GTF2IRD1: variants seen among roughly 807,000 people sequenced by gnomAD.
GTF2IRD1 encodes the protein GTF2I repeat domain containing 1, also known as general transcription factor II-I repeat domain-containing protein 1.
GTF2IRD1 carries 26 observed loss-of-function variants against 113.2 expected under a neutral mutation model. That is an observed-to-expected ratio of 0.23 (90% CI 0.17 to 0.32). The LOEUF is 0.32. GTF2IRD1 is among the 10% of genes least tolerant of loss of function. The pLI is 1.00. For missense variants in GTF2IRD1, 864 were observed against 1,280.8 expected, an observed-to-expected ratio of 0.67 and a Z score of 4.97; for synonymous variants, 484 against 529.1, an observed-to-expected ratio of 0.91 and a Z score of 1.17.
At chr7:74,498,014 T>A (rs985459580) in intron 1 of GTF2IRD1, among the ~76,000 whole-genome samples, 2 of 148,290 alleles carry the variant, frequency 1.3e-5, no homozygotes, top group Non-Finnish European at 3.0e-5. Context: ...TTCTTGTGTT[T>A]TTTATAGTAG....
chr7:74,528,932 C>CGGGTGGAT (rs1172073969), intron 8 of GTF2IRD1, among the ~76,000 whole-genome samples: 2 of 81,802 alleles, frequency 2.4e-5, no homozygotes, highest in Non-Finnish European at 4.8e-5. Flanking sequence ...GACGGACAAC[C>CGGGTGGAT]GGGTGGATGG....
intron 1 of GTF2IRD1, among the ~76,000 whole-genome samples, chr7:74,499,265 C>T (rs1795888156): frequency 6.6e-6 from 1 of 152,224 alleles, no homozygotes. Context: ...CAGCTCACTG[C>T]CTTGGACTAG....
chr7:74,490,649 C>A (rs918102928), intron 1 of GTF2IRD1, among the ~76,000 whole-genome samples: 1 of 150,062 alleles, frequency 6.7e-6, no homozygotes, highest in Admixed American at 6.7e-5. Context: ...GTGCGGGGGC[C>A]GTGTTTGGGT....
chr7:74,483,085 G>A (rs1794833196), intron 1 of GTF2IRD1, among the ~76,000 whole-genome samples: 1 of 152,232 alleles, frequency 6.6e-6, no homozygotes, highest in Non-Finnish European at 1.5e-5. Context: ...GGTTGGGTGT[G>A]CAGAGATCTG....
intron 25 of GTF2IRD1, 51 bp from the exon 26 acceptor site, chr7:74,600,993 G>A: frequency 6.2e-7 from 1 of 1,606,488 alleles, no homozygotes. Context: ...AGGAGGCTGA[G>A]ACAGAAAAGC....
In GTF2IRD1 at chr7:74,518,300, C is replaced by G. The variant is rs781856999; in HGVS notation, c.583C>G (p.Arg195Gly). The stretch of plus-strand genomic sequence containing the variant: ...CATGGCCATCCTGGAACACAGCCAC[C>G]GCATCCGCTTCAAGCTCAAGAGGTG... The part of the protein sequence containing the change: ...ALMAILEHSH[R>G]IRFKLKRPLE... The change falls in exon 5 of 27, where the codon CGC (arginine) becomes GGC (glycine). Residue 195 changes from arginine (R) to glycine (G), a missense_variant. Coordinates refer to ENST00000424337, the MANE Select transcript of GTF2IRD1 (RefSeq NM_005685.4). 6.2e-6 allele frequency: 10 copies of G among 1,600,782 alleles called. No individual in the cohort carries two copies. The highest frequency in any genetic ancestry group is 8.5e-6 in the Non-Finnish European group (10 of 1,170,914).
intron 22 of GTF2IRD1, among the ~76,000 whole-genome samples, chr7:74,568,465 A>G (rs1444988596): frequency 5.9e-5 from 9 of 152,086 alleles, no homozygotes; most frequent in East Asian, 1.9e-4. Context: ...TGGCTAACAC[A>G]GTGAAACCCC....
chr7:74,592,240 C>T (rs1210124934), intron 24 of GTF2IRD1, among the ~76,000 whole-genome samples: 3 of 151,890 alleles, frequency 2.0e-5, no homozygotes, highest in Non-Finnish European at 2.9e-5. Context: ...GCTGGCACTA[C>T]AGGCACACGC....
In GTF2IRD1 at chr7:74,590,857, G is replaced by A; in HGVS notation, c.2431G>A (p.Val811Ile). 1.2e-6 allele frequency: 2 copies of A among 1,612,500 alleles called. No homozygotes were observed. Among genetic ancestry groups the A allele is most frequent in the Non-Finnish European group, 1.7e-6 (2 of 1,179,096 alleles). ...EALGLNRPVL[V>I]PYKLIRDSPD... ...CCTGGGCCTGAACCGGCCGGTGCTG[G>A]TCCCTTATAAACTAATCCGGGACAG... Residue 811 changes from valine to isoleucine, a missense_variant, in exon 24 of 27, where the codon GTC (valine) becomes ATC (isoleucine). Physicochemically the swap from Val to Ile is conservative, Grantham distance 29 (BLOSUM62 3). Around this residue, in one of 7 missense-constraint regions of GTF2IRD1, gnomAD observed 195 missense variants for 359.1 expected, o/e 0.54. Coordinates refer to ENST00000424337, the MANE Select transcript of GTF2IRD1 (RefSeq NM_005685.4).
At chr7:74,478,400 A>G (rs1476953199) in intron 1 of GTF2IRD1, among the ~76,000 whole-genome samples, 26 of 152,242 alleles carry the variant, frequency 1.7e-4, no homozygotes, top group Admixed American at 1.7e-3. Context: ...AGCTGAGAGC[A>G]GTAGAATTAC....
At chr7:74,528,065 C>G (rs1797709713) in intron 8 of GTF2IRD1, among the ~76,000 whole-genome samples, 1 of 152,170 alleles carries the variant, frequency 6.6e-6, no homozygotes, top group African/African-American at 2.4e-5. Flanking sequence ...GAAGAAGGCA[C>G]ACACCTGTGC....
chr7:74,487,066 G>A (rs2117178568), intron 1 of GTF2IRD1, among the ~76,000 whole-genome samples: 1 of 152,260 alleles, frequency 6.6e-6, no homozygotes, highest in African/African-American at 2.4e-5. Flanking sequence ...TTTTGAGATG[G>A]AGTCTCTGTC....
In GTF2IRD1 at chr7:74,519,441, C is replaced by T; in HGVS notation, c.638C>T (p.Ala213Val). The T allele has an allele frequency of 6.4e-7, 1 of 1,555,450 alleles. No homozygotes were observed. The highest frequency in any genetic ancestry group is 8.7e-7 in the Non-Finnish European group (1 of 1,151,868). ...PLEDGGRDSK[A>V]LVELNGVSLI... ...GAGGATGGCGGGCGGGACTCGAAGGCCCTGGTGGAGCTGAACGGTGTCTCC... is the reference window on the plus strand; with the variant it reads ...GAGGATGGCGGGCGGGACTCGAAGGTCCTGGTGGAGCTGAACGGTGTCTCC... Residue 213 changes from alanine to valine, a missense_variant, in exon 6 of 27, where the codon GCC (alanine) becomes GTC (valine). Transcript: ENST00000424337.
At chr7:74,585,304 G>T (rs1554367416) in intron 22 of GTF2IRD1, among the ~76,000 whole-genome samples, 2 of 151,566 alleles carry the variant, frequency 1.3e-5, no homozygotes, top group East Asian at 3.9e-4. Context: ...GTAGAGACGG[G>T]GTTTCACCAT....
intron 1 of GTF2IRD1, among the ~76,000 whole-genome samples, chr7:74,505,597 C>A (rs1174033839): frequency 6.6e-6 from 1 of 152,226 alleles, no homozygotes; most frequent in African/African-American, 2.4e-5. Flanking sequence ...GCCGGGGGGC[C>A]AGGGCTAGAT....
intron 22 of GTF2IRD1, among the ~76,000 whole-genome samples, chr7:74,561,003 G>A (rs1234027914): frequency 1.3e-5 from 2 of 152,142 alleles, no homozygotes; most frequent in Admixed American, 1.3e-4. Context: ...ATTTGCAGGG[G>A]CTGTCCCTGC....
chr7:74,518,387 C>T, intron 5 of GTF2IRD1, 65 bp downstream of exon 5: 1 of 1,315,186 alleles, frequency 7.6e-7, no homozygotes, highest in Non-Finnish European at 1.0e-6. Flanking sequence ...GGGCCGGGGG[C>T]TGGAGGCCAC....
At chr7:74,458,090 A>G (rs1793112025) in intron 1 of GTF2IRD1, among the ~76,000 whole-genome samples, 1 of 151,848 alleles carries the variant, frequency 6.6e-6, no homozygotes, top group Non-Finnish European at 1.5e-5. Flanking sequence ...AGTCTGGTCT[A>G]GAACTCCTGA....
Position 74,476,366 on chromosome 7 carries a change from C to CTTTTTTTTTTTTTTTTTTTTT in GTF2IRD1, c.-7+22201_-7+22202insTTTTTTTTTTTTTTTTTTTTT, listed in dbSNP as rs61151844. On this transcript the variant is annotated intron_variant, in intron 1 of 26. Coordinates refer to ENST00000424337, the MANE Select transcript of GTF2IRD1 (RefSeq NM_005685.4). The stretch of plus-strand genomic sequence containing the variant: ...CCCGCTTGGAAGCCTTCTGAACCTC[C>CTTTTTTTTTTTTTTTTTTTTT]TTTTTTTTTTTCTTTTGAGACGGAG... 1.6e-5 allele frequency among the ~76,000 whole-genome samples: 2 copies of CTTTTTTTTTTTTTTTTTTTTT among 122,160 alleles called. 1 individual carries two copies. 80.1% of individuals were successfully genotyped at this position (122,160 alleles called of 152,430 possible). A position where few individuals can be genotyped will look rare whatever the true frequency, so the allele number is the denominator to read the frequency against.
Sources: gnomAD v4.1 joint callset for allele counts (sites outside exome capture counted in the v4.1 genomes callset) on GRCh38, gnomAD v4.1.1 for gene constraint, gnomAD v4.1.1 regional missense constraint, MANE v1.5 for transcripts, NCBI Gene and HGNC (gene_info 2026-07-23, HGNC 2026-07-21) for gene names.